NRXN3: variants seen among roughly 807,000 people sequenced by gnomAD.
NRXN3 encodes the protein neurexin 3.
Under a neutral mutation model 137.6 loss-of-function variants are expected in NRXN3, and 32 were observed. That is an observed-to-expected ratio of 0.23 (90% CI 0.18 to 0.31). The LOEUF is 0.31. Among genes scored for constraint, NRXN3 ranks in the 10% least tolerant of loss-of-function variants. The pLI is 1.00. For missense variants in NRXN3, 1,574 were observed against 2,062.5 expected (o/e 0.76, Z 4.59); for synonymous variants, 798 against 784.5 (o/e 1.02, Z -0.29).
In NRXN3 at chr14:79,867,216, G is replaced by A. The variant is rs2099418407; in HGVS notation, c.*5252G>A. ...CTTTCATAAACCTGTCTCTAGAGAA[G>A]CAAGTCATTTTCTACTTTTTCCAGA... On this transcript the variant is annotated 3_prime_UTR_variant, in exon 21 of 21. Coordinates refer to ENST00000335750, the MANE Select transcript of NRXN3 (RefSeq NM_001330195.2). The A allele has an allele frequency of 6.6e-6, 1 of 152,166 alleles. No homozygotes were observed. The highest frequency in any genetic ancestry group is 1.9e-4 in the East Asian group (1 of 5,184). 9.4% of individuals were successfully genotyped at this position (152,166 alleles called of 1,614,324 possible).
chr14:79,134,297 T>G (rs1257737911), intron 15 of NRXN3, among the ~76,000 whole-genome samples: 1 of 152,248 alleles, frequency 6.6e-6, no homozygotes, highest in Non-Finnish European at 1.5e-5. Context: ...CCCTATAGTC[T>G]GCCTTTCTGT....
intron 17 of NRXN3, chr14:79,669,087 G>A (rs1161425511): frequency 1.3e-5 from 2 of 151,844 alleles, no homozygotes; most frequent in African/African-American, 2.4e-5. Flanking sequence ...CTTTTCCTGC[G>A]AACATTTGAG....
intron 19 of NRXN3, among the ~76,000 whole-genome samples, chr14:79,742,730 A>G (rs2154081191): frequency 6.6e-6 from 1 of 152,350 alleles, no homozygotes; most frequent in South Asian, 2.1e-4. Context: ...ACAATGCAGC[A>G]GAGCCTATAT....
intron 15 of NRXN3, among the ~76,000 whole-genome samples, chr14:79,185,609 G>A (rs1227910436): frequency 1.3e-5 from 2 of 152,028 alleles, no homozygotes; most frequent in Non-Finnish European, 2.9e-5. Flanking sequence ...GGGACTACAG[G>A]CGCCCGCCAC....
intron 15 of NRXN3, among the ~76,000 whole-genome samples, chr14:79,182,738 A>T (rs2063081873): frequency 6.6e-6 from 1 of 152,186 alleles, no homozygotes; most frequent in Non-Finnish European, 1.5e-5. Flanking sequence ...TTGGACCTTC[A>T]TGGAACCTAT....
chr14:79,217,432 C>T (rs576185587), intron 15 of NRXN3, among the ~76,000 whole-genome samples: 7 of 152,224 alleles, frequency 4.6e-5, no homozygotes, highest in Admixed American at 1.3e-4. Flanking sequence ...CCCCATGACC[C>T]GGACACCTCC....
chr14:78,983,006 T>C (rs772581131), intron 14 of NRXN3, among the ~76,000 whole-genome samples: 63 of 152,268 alleles, frequency 4.1e-4, no homozygotes, highest in Non-Finnish European at 8.2e-4. Flanking sequence ...AAAGAAGATA[T>C]GCAGATGGCC....
At chr14:78,767,751 C>T (rs1368837177) in intron 8 of NRXN3, among the ~76,000 whole-genome samples, 4 of 152,148 alleles carry the variant, frequency 2.6e-5, no homozygotes, top group Non-Finnish European at 4.4e-5. Flanking sequence ...ACACACTAGA[C>T]AGAAGCTAAC....
intron 4 of NRXN3, among the ~76,000 whole-genome samples, chr14:78,425,024 G>A (rs371042548): frequency 2.3e-4 from 35 of 152,228 alleles, no homozygotes; most frequent in African/African-American, 6.3e-4. Context: ...CAGCTTCCTC[G>A]AGATGGATCT....
At chr14:78,908,835 G>A (rs1384214527) in intron 10 of NRXN3, among the ~76,000 whole-genome samples, 1 of 151,960 alleles carries the variant, frequency 6.6e-6, no homozygotes, top group Non-Finnish European at 1.5e-5. Context: ...AAAAGAATGG[G>A]GACAATGCCC....
intron 15 of NRXN3, among the ~76,000 whole-genome samples, chr14:79,041,292 G>A (rs931143248): frequency 2.2e-4 from 34 of 152,162 alleles, no homozygotes; most frequent in African/African-American, 7.5e-4. Flanking sequence ...ATGTCAAAGA[G>A]CATGGTTTTT....
chr14:78,240,371 A>G lies in NRXN3; in HGVS notation c.-703-2020A>G, dbSNP rs370207763. 3.7e-4 allele frequency among the ~76,000 whole-genome samples: 56 copies of G among 152,302 alleles called. No homozygotes were observed. The South Asian group carries it at 0.011, about 30-fold the overall frequency. On this transcript the variant is annotated intron_variant, in intron 1 of 20. Transcript: ENST00000335750. The stretch of plus-strand genomic sequence containing the variant: ...CAACCAGGAGATTCATTCCTTCTCT[A>G]TGAGGAACATATAAGCCCCTGGCTG...
chr14:79,375,018 C>T lies in NRXN3; in HGVS notation c.3263-92203C>T, dbSNP rs185463761. ...TATTAAGTACCTACGATATGCCAGG[C>T]ATTGGGCTATATATGAAAAACAGTG... is the stretch of plus-strand genomic sequence containing the variant. On this transcript the variant is annotated intron_variant, in intron 15 of 20. Transcript: ENST00000335750. 2.6e-5 allele frequency among the ~76,000 whole-genome samples: 4 copies of T among 152,226 alleles called. No homozygotes were observed. In the East Asian group the frequency reaches 7.7e-4, roughly 29 times the overall value.
intron 15 of NRXN3, among the ~76,000 whole-genome samples, chr14:79,126,351 A>T (rs935183608): frequency 2.3e-5 from 3 of 128,878 alleles, no homozygotes; most frequent in Admixed American, 1.7e-4. Flanking sequence ...CCGTCCCCAG[A>T]GTGTGATGTT....
chr14:78,970,503 A>G lies in NRXN3; in HGVS notation c.3142+2157A>G, dbSNP rs147289131. Among the ~76,000 whole-genome samples the G allele has an allele frequency of 1.1e-3, 163 of 152,252 alleles. 2 individuals carry two copies. The highest frequency in any genetic ancestry group is 2.2e-3 in the Admixed American group (34 of 15,286). ...TTTAAAGTGCTCAATACACATGTCA[A>G]TGGCTACTGTATTGGTAGTACAGGT... is the stretch of plus-strand genomic sequence containing the variant. On this transcript the variant is annotated intron_variant, in intron 14 of 20. Coordinates refer to ENST00000335750, the MANE Select transcript of NRXN3 (RefSeq NM_001330195.2).
chr14:78,170,952 C>CT (rs545853025), intron 1 of NRXN3, among the ~76,000 whole-genome samples: 3,824 of 126,084 alleles, frequency 0.03, 159 homozygotes, highest in African/African-American at 0.11. Context: ...TCTTCTTCTT[C>CT]TTTTTTTTTT....
chr14:79,429,471 A>G (rs764653204), intron 15 of NRXN3, among the ~76,000 whole-genome samples: 34 of 152,220 alleles, frequency 2.2e-4, no homozygotes, highest in Non-Finnish European at 3.7e-4. Context: ...AAATGTGAGT[A>G]ACAAGAGTTT....
chr14:78,267,434 G>C (rs2071949164), intron 2 of NRXN3, among the ~76,000 whole-genome samples: 1 of 152,156 alleles, frequency 6.6e-6, no homozygotes, highest in South Asian at 2.1e-4. Flanking sequence ...TCTCACATCT[G>C]TAATGCCAGC....
At chr14:78,775,515 A>C (rs1479046338) in intron 8 of NRXN3, among the ~76,000 whole-genome samples, 1 of 152,056 alleles carries the variant, frequency 6.6e-6, no homozygotes, top group Non-Finnish European at 1.5e-5. Flanking sequence ...AGTATATTTT[A>C]TGTGTGGCCT....
Sources: allele counts gnomAD v4.1 joint callset (sites outside exome capture counted in the v4.1 genomes callset), GRCh38; gene constraint gnomAD v4.1.1; transcripts MANE v1.5; gene names NCBI Gene and HGNC (gene_info 2026-07-23, HGNC 2026-07-21).